The following STK24 variants were observed in gnomAD, a reference collection of about 807,000 sequenced individuals.
The protein encoded by STK24 is serine/threonine kinase 24, also known as serine/threonine-protein kinase 24.
STK24 carries 21 observed loss-of-function variants against 55.6 expected under a neutral mutation model. The ratio of observed to expected loss-of-function variants is 0.38; its 90% CI spans 0.27 to 0.54. The LOEUF (loss-of-function observed/expected upper bound fraction) is 0.54, where lower values mean the gene tolerates loss of function less well. Ranked by LOEUF, STK24 falls within the 20% of genes least tolerant of loss-of-function variation. The pLI is 0.79. For synonymous variants in STK24, 200 were observed against 215.2 expected, an observed-to-expected ratio of 0.93 and a Z score of 0.62; for missense variants, 383 against 538.4, an observed-to-expected ratio of 0.71 and a Z score of 2.86.
At chr13:98,528,740 T>C (rs1363606300) in intron 1 of STK24, among the ~76,000 whole-genome samples, 1 of 152,224 alleles carries the variant, frequency 6.6e-6, no homozygotes, top group East Asian at 1.9e-4. Flanking sequence ...CAGCTCCAAA[T>C]GTACCACTTG....
Position 98,447,899 on chromosome 13 carries a change from A to AC in STK24, c.*5273dup, listed in dbSNP as rs1892952323. On this transcript the variant is annotated 3_prime_UTR_variant, in exon 11 of 11. Transcript: ENST00000539966. ...GAGAGCTTCCACTAAGCAGGATGGG[A>AC]CACGTCCCGCCATTCTCTGCCATGT... 3.0e-6 allele frequency: 1 copy of AC among 335,988 alleles called. No homozygotes were observed. The highest frequency in any genetic ancestry group is 2.1e-5 in the African/African-American group (1 of 46,518). The allele number at this position is 335,988 out of a possible 1,614,324, so 20.8% of individuals were successfully genotyped here. A position where few individuals can be genotyped will look rare whatever the true frequency, so the allele number is the denominator to read the frequency against.
At chr13:98,521,800 G>T in intron 1 of STK24, 1 of 781,442 alleles carries the variant, frequency 1.3e-6, no homozygotes, top group Non-Finnish European at 2.4e-6. Flanking sequence ...ATGAGGTAGA[G>T]TGGCCCTCCT....
intron 2 of STK24, among the ~76,000 whole-genome samples, chr13:98,502,442 C>T (rs868525498): frequency 6.6e-6 from 1 of 152,180 alleles, no homozygotes; most frequent in African/African-American, 2.4e-5. Flanking sequence ...AGTCATAATG[C>T]TACGATTTGA....
intron 1 of STK24, among the ~76,000 whole-genome samples, chr13:98,531,956 C>T (rs1896590836): frequency 6.6e-6 from 1 of 152,194 alleles, no homozygotes; most frequent in Non-Finnish European, 1.5e-5. Flanking sequence ...CTGCATGTGG[C>T]TAGGGATTCT....
At chr13:98,471,119 C>T (rs529286671) in intron 5 of STK24, among the ~76,000 whole-genome samples, 23 of 152,310 alleles carry the variant, frequency 1.5e-4, no homozygotes, top group African/African-American at 5.5e-4. Flanking sequence ...CCCAGCCAGG[C>T]CTGTGGACAA....
chr13:98,477,310 A>G (rs1894414250), intron 3 of STK24, among the ~76,000 whole-genome samples: 1 of 152,208 alleles, frequency 6.6e-6, no homozygotes, highest in African/African-American at 2.4e-5. Flanking sequence ...AGGAGGATAG[A>G]GATGCCGGAG....
intron 4 of STK24, 83 bp from the exon 5 acceptor site, chr13:98,475,061 G>A (rs2139287247): frequency 6.7e-7 from 1 of 1,503,104 alleles, no homozygotes; most frequent in Admixed American, 2.3e-5. Flanking sequence ...CTCCCTGGCT[G>A]GGTGGCGAAC....
chr13:98,565,104 G>GCTA (rs1897531069), intron 1 of STK24, among the ~76,000 whole-genome samples: 1 of 152,192 alleles, frequency 6.6e-6, no homozygotes, highest in Non-Finnish European at 1.5e-5. Context: ...AATGGGCAAG[G>GCTA]CTACTGTGTG....
At chr13:98,476,696 T>C (rs1170779046) in intron 3 of STK24, among the ~76,000 whole-genome samples, 1 of 152,112 alleles carries the variant, frequency 6.6e-6, no homozygotes, top group Admixed American at 6.5e-5. Flanking sequence ...AGACAGCCCT[T>C]GTCACCGAAA....
At chr13:98,557,735 T>C (rs552685921) in intron 1 of STK24, among the ~76,000 whole-genome samples, 5 of 152,346 alleles carry the variant, frequency 3.3e-5, no homozygotes, top group Admixed American at 1.3e-4. Context: ...AATGACAAGG[T>C]AGTCTGGGAG....
chr13:98,481,012 G>A (rs1402793923), intron 3 of STK24, among the ~76,000 whole-genome samples: 3 of 152,124 alleles, frequency 2.0e-5, no homozygotes, highest in African/African-American at 7.2e-5. Flanking sequence ...CCTGATGGCC[G>A]CCTATCATCC....
intron 1 of STK24, 132 bp downstream of exon 1, chr13:98,576,613 C>T (rs1039344789): frequency 2.2e-5 from 15 of 684,214 alleles, no homozygotes; most frequent in Admixed American, 4.8e-5. Flanking sequence ...CCCGGCCGAG[C>T]CGGGCGCGCG....
rs780995828 is a variant in STK24 at position 98,446,209 on chromosome 13, A to G, written c.*6964T>C. ...GTTCTTCTACAAATCACACCAGGTA[A>G]GTGTCTCGCACAGGGCAGGTGGCCC... On this transcript the variant is annotated 3_prime_UTR_variant, in exon 11 of 11. Coordinates refer to ENST00000539966, the MANE Select transcript of STK24 (RefSeq NM_001032296.4). 2.5e-6 allele frequency: 4 copies of G among 1,601,624 alleles called. No individual in the cohort carries two copies. Among genetic ancestry groups the G allele is most frequent in the Non-Finnish European group, 3.4e-6 (4 of 1,168,928 alleles).
At chr13:98,497,139 A>C (rs1270892464) in intron 2 of STK24, among the ~76,000 whole-genome samples, 1 of 151,732 alleles carries the variant, frequency 6.6e-6, no homozygotes, top group Non-Finnish European at 1.5e-5. Context: ...TTCTCTGGCC[A>C]CCTCCCTGCC....
intron 10 of STK24, chr13:98,456,123 G>A (rs753851428): frequency 6.4e-6 from 1 of 155,772 alleles, no homozygotes; most frequent in Non-Finnish European, 1.4e-5. Context: ...AAGTTGAAAT[G>A]TCTTACTAAG....
chr13:98,497,812 G>A (rs1298989421), intron 2 of STK24, among the ~76,000 whole-genome samples: 2 of 152,196 alleles, frequency 1.3e-5, no homozygotes, highest in Non-Finnish European at 2.9e-5. Context: ...GCACAGCAAT[G>A]GAAAAACAAC....
chr13:98,516,776 C>T (rs1414566056), intron 2 of STK24, among the ~76,000 whole-genome samples: 1 of 152,210 alleles, frequency 6.6e-6, no homozygotes, highest in Non-Finnish European at 1.5e-5. Flanking sequence ...ATCAGGGCAA[C>T]CAGTGAGGAA....
chr13:98,545,376 G>A (rs1594658320), intron 1 of STK24, among the ~76,000 whole-genome samples: 1 of 152,240 alleles, frequency 6.6e-6, no homozygotes, highest in Non-Finnish European at 1.5e-5. Context: ...GCCGGGCGCA[G>A]TGGCTCATGC....
chr13:98,446,273 C>A lies in STK24; in HGVS notation c.*6900G>T. On this transcript the variant is annotated 3_prime_UTR_variant, in exon 11 of 11. Transcript: ENST00000539966. ...GTGGCAGCATGAGGTGAGGGGGCCG[C>A]CCTCCTCTGGAATGACTCAGGCCTC... 1 of 1,018,356 alleles carries A rather than the reference C, an allele frequency of 9.8e-7. No individual in the cohort carries two copies. Among genetic ancestry groups the A allele is most frequent in the Non-Finnish European group, 1.5e-6 (1 of 654,984 alleles). 63.1% of individuals were successfully genotyped at this position (1,018,356 alleles called of 1,614,324 possible). A position where few individuals can be genotyped will look rare whatever the true frequency, so the allele number is the denominator to read the frequency against.
Sources: allele counts gnomAD v4.1 joint callset (sites outside exome capture counted in the v4.1 genomes callset), GRCh38; gene constraint gnomAD v4.1.1; transcripts MANE v1.5; gene names NCBI Gene and HGNC (gene_info 2026-07-23, HGNC 2026-07-21).